ARHGAP15: variants seen among roughly 807,000 people sequenced by gnomAD.
ARHGAP15 encodes the protein rho GTPase-activating protein 15.
ARHGAP15 carries 51 observed loss-of-function variants against 63.7 expected under a neutral mutation model. That is an observed-to-expected ratio of 0.80 (90% CI 0.64 to 1.01). ARHGAP15 has a LOEUF of 1.01. Ranked by LOEUF, ARHGAP15 falls within the 50% of genes least tolerant of loss-of-function variation. ARHGAP15 has a pLI of 0.00. For synonymous variants in ARHGAP15, 191 were observed against 193.8 expected (o/e 0.99, Z 0.12); for missense variants, 560 against 564.6 (o/e 0.99, Z 0.08).
intron 6 of ARHGAP15, among the ~76,000 whole-genome samples, chr2:143,413,966 T>TGTGTGCGCGCGCGCGCGCGCACGC: frequency 3.1e-4 from 36 of 117,924 alleles, no homozygotes; most frequent in African/African-American, 1.2e-3. Flanking sequence ...TGTGTGTGTG[T>TGTGTGCGCGCGCGCGCGCGCACGC]GCGCGCTCTC....
At chr2:143,295,058 G>A (rs1682578558) in intron 6 of ARHGAP15, among the ~76,000 whole-genome samples, 1 of 152,014 alleles carries the variant, frequency 6.6e-6, no homozygotes, top group South Asian at 2.1e-4. Context: ...TACAGTTGGG[G>A]AAACTGAGGC....
At chr2:143,587,410 G>A (rs1298687566) in intron 11 of ARHGAP15, among the ~76,000 whole-genome samples, 1 of 152,164 alleles carries the variant, frequency 6.6e-6, no homozygotes, top group East Asian at 1.9e-4. Flanking sequence ...ACTTTTCAGG[G>A]TTTGTTGTTT....
At chr2:143,708,826 C>A (rs1684447213) in intron 13 of ARHGAP15, among the ~76,000 whole-genome samples, 1 of 152,088 alleles carries the variant, frequency 6.6e-6, no homozygotes, top group Admixed American at 6.6e-5. Flanking sequence ...TTTTCATGAT[C>A]AGAATTTCCT....
At chr2:143,740,463 C>G (rs137971218) in intron 13 of ARHGAP15, among the ~76,000 whole-genome samples, 2,483 of 152,300 alleles carry the variant, frequency 0.016, 31 homozygotes, top group Middle Eastern at 0.027. Flanking sequence ...AAAAATGCTA[C>G]TGGAAATTTT....
At chr2:143,520,616 T>A (rs1694020109) in intron 10 of ARHGAP15, among the ~76,000 whole-genome samples, 1 of 152,224 alleles carries the variant, frequency 6.6e-6, no homozygotes, top group South Asian at 2.1e-4. Context: ...GAAAAATGTT[T>A]TTATTGCAAG....
At chr2:143,246,116 G>A (rs1484522715) in intron 5 of ARHGAP15, among the ~76,000 whole-genome samples, 1 of 152,076 alleles carries the variant, frequency 6.6e-6, no homozygotes, top group Non-Finnish European at 1.5e-5. Flanking sequence ...CTTTAAACTT[G>A]GAATCCGATA....
chr2:143,198,744 A>C (rs1471568949), intron 2 of ARHGAP15, among the ~76,000 whole-genome samples: 1 of 152,152 alleles, frequency 6.6e-6, no homozygotes. Context: ...GAAAGAGGGC[A>C]TGGAGCTAGC....
chr2:143,553,682 C>T (rs2105079828), intron 10 of ARHGAP15, among the ~76,000 whole-genome samples: 1 of 152,244 alleles, frequency 6.6e-6, no homozygotes, highest in Middle Eastern at 3.4e-3. Context: ...ATGTCCAATC[C>T]ATACTACTTT....
intron 2 of ARHGAP15, among the ~76,000 whole-genome samples, chr2:143,184,267 A>C (rs937598872): frequency 2.0e-5 from 3 of 152,314 alleles, no homozygotes; most frequent in Non-Finnish European, 4.4e-5. Flanking sequence ...ACCTCAACAA[A>C]ATTGGACAGT....
At chr2:143,511,936 A>T (rs1261134591) in intron 9 of ARHGAP15, among the ~76,000 whole-genome samples, 6 of 152,170 alleles carry the variant, frequency 3.9e-5, no homozygotes, top group Non-Finnish European at 8.8e-5. Context: ...GTGCATTATC[A>T]TCTCTTCTCA....
chr2:143,617,668 G>A (rs1191787349), intron 11 of ARHGAP15, among the ~76,000 whole-genome samples: 1 of 152,106 alleles, frequency 6.6e-6, no homozygotes, highest in East Asian at 1.9e-4. Flanking sequence ...TGATTTTGAG[G>A]AATGGAAGAA....
intron 2 of ARHGAP15, among the ~76,000 whole-genome samples, chr2:143,164,977 A>G (rs542252713): frequency 1.1e-3 from 165 of 152,164 alleles, no homozygotes; most frequent in African/African-American, 3.8e-3. Flanking sequence ...AAGTATCAAA[A>G]TGTTTTAGAT....
intron 3 of ARHGAP15, among the ~76,000 whole-genome samples, chr2:143,206,637 G>T (rs2105123751): frequency 6.6e-6 from 1 of 152,010 alleles, no homozygotes; most frequent in African/African-American, 2.4e-5. Flanking sequence ...CTCTTACTGA[G>T]CTATAAGCTA....
intron 12 of ARHGAP15, among the ~76,000 whole-genome samples, chr2:143,674,394 T>A (rs1386251077): frequency 6.6e-6 from 1 of 152,210 alleles, no homozygotes; most frequent in Non-Finnish European, 1.5e-5. Flanking sequence ...ACCTACATTA[T>A]TCCGTTTATA....
At chr2:143,507,445 C>T (rs1693371599) in intron 9 of ARHGAP15, among the ~76,000 whole-genome samples, 1 of 152,052 alleles carries the variant, frequency 6.6e-6, no homozygotes, top group Non-Finnish European at 1.5e-5. Context: ...AGTGAGTGCC[C>T]CTTTGGTGGA....
At chr2:143,314,640 A>G (rs1284475280) in intron 6 of ARHGAP15, 1 of 152,224 alleles carries the variant, frequency 6.6e-6, no homozygotes, top group Non-Finnish European at 1.5e-5. Flanking sequence ...AAGCTTATAC[A>G]TCTCTTAAGT....
rs1173844468 is a variant in ARHGAP15, at chr2:143,355,543, CCAAT to C, written c.475-80055_475-80052del. 7.2e-5 allele frequency among the ~76,000 whole-genome samples: 11 copies of C among 152,240 alleles called. No individual in the cohort carries two copies. The East Asian group carries it at 1.5e-3, about 21-fold the overall frequency. On this transcript the variant is annotated intron_variant, in intron 6 of 13. Coordinates refer to ENST00000295095, the MANE Select transcript of ARHGAP15 (RefSeq NM_018460.4). ...GCTAGTAATCTTGTCCATGATATTA[CCAAT>C]CAGTTAATTACAGTTAGCCTAACAA...
At chr2:143,243,921 T>C (rs568340720) in intron 5 of ARHGAP15, among the ~76,000 whole-genome samples, 16 of 152,198 alleles carry the variant, frequency 1.1e-4, no homozygotes, top group Non-Finnish European at 1.9e-4. Flanking sequence ...ATATATTTAT[T>C]ATTACTTAAG....
At chr2:143,380,103 G>C (rs1042330573) in intron 6 of ARHGAP15, among the ~76,000 whole-genome samples, 6 of 152,102 alleles carry the variant, frequency 3.9e-5, no homozygotes, top group Admixed American at 2.0e-4. Context: ...GGAGAATTGA[G>C]TAGGCAACTG....
Sources: gnomAD v4.1 joint callset for allele counts (sites outside exome capture counted in the v4.1 genomes callset) on GRCh38, gnomAD v4.1.1 for gene constraint, MANE v1.5 for transcripts, NCBI Gene and HGNC (gene_info 2026-07-23, HGNC 2026-07-21) for gene names.